Variants in GRIP1 observed in about 807,000 individuals in gnomAD.
GRIP1 encodes glutamate receptor interacting protein 1.
Under a neutral mutation model 129.9 loss-of-function variants are expected in GRIP1, and 45 were observed. That is an observed-to-expected ratio of 0.35 (90% CI 0.27 to 0.44). The LOEUF (loss-of-function observed/expected upper bound fraction) is 0.44, where lower values mean the gene tolerates loss of function less well. GRIP1 is among the 20% of genes least tolerant of loss of function. GRIP1 has a pLI of 1.00. For missense variants in GRIP1, 1,196 were observed against 1,396.8 expected (o/e 0.86, Z 2.29); for synonymous variants, 530 against 520.8 (o/e 1.02, Z -0.24).
intron 1 of GRIP1, among the ~76,000 whole-genome samples, chr12:66,843,714 C>T (rs1033677920): frequency 1.3e-5 from 2 of 152,064 alleles, no homozygotes; most frequent in African/African-American, 4.8e-5. Context: ...AAAGGAAAAA[C>T]TTTTTAACAA....
At chr12:66,831,303 T>A (rs1158408312) in intron 1 of GRIP1, among the ~76,000 whole-genome samples, 2 of 152,232 alleles carry the variant, frequency 1.3e-5, no homozygotes, top group Non-Finnish European at 2.9e-5. Context: ...GAATGCTGAT[T>A]AGTTCATGCT....
At chr12:66,370,863 T>C (rs1053527833) in intron 23 of GRIP1, among the ~76,000 whole-genome samples, 1 of 152,136 alleles carries the variant, frequency 6.6e-6, no homozygotes, top group African/African-American at 2.4e-5. Context: ...GAGGCAACTA[T>C]GACAATTAGA....
At chr12:67,051,840 C>T (rs1162500172) in intron 1 of GRIP1, among the ~76,000 whole-genome samples, 1 of 152,154 alleles carries the variant, frequency 6.6e-6, no homozygotes, top group Non-Finnish European at 1.5e-5. Context: ...AAACAAAATC[C>T]AAATCATCAC....
intron 1 of GRIP1, among the ~76,000 whole-genome samples, chr12:66,739,900 A>G (rs998918520): frequency 1.5e-4 from 23 of 152,138 alleles, no homozygotes; most frequent in African/African-American, 5.3e-4. Flanking sequence ...TCAGTCCTCA[A>G]TAGTAGTCTC....
At chr12:66,404,283 G>A (rs933427151) in intron 16 of GRIP1, among the ~76,000 whole-genome samples, 1 of 152,108 alleles carries the variant, frequency 6.6e-6, no homozygotes, top group Non-Finnish European at 1.5e-5. Context: ...CTTGGAAAAG[G>A]AATCATAAAC....
chr12:66,446,201 T>C (rs1387719147), intron 11 of GRIP1, among the ~76,000 whole-genome samples: 2 of 151,832 alleles, frequency 1.3e-5, no homozygotes, highest in African/African-American at 4.9e-5. Context: ...TTATTTCTCC[T>C]CTTTCATTTA....
intron 1 of GRIP1, among the ~76,000 whole-genome samples, chr12:66,882,092 C>T (rs1592926405): frequency 6.6e-6 from 1 of 151,760 alleles, no homozygotes; most frequent in South Asian, 2.1e-4. Context: ...CTTCTCATGG[C>T]TTCTATCACA....
At chr12:66,591,843 T>C (rs1280444449) in intron 2 of GRIP1, among the ~76,000 whole-genome samples, 1 of 152,088 alleles carries the variant, frequency 6.6e-6, no homozygotes, top group African/African-American at 2.4e-5. Context: ...TTGCCCAGGC[T>C]GTAACTCCCA....
intron 2 of GRIP1, among the ~76,000 whole-genome samples, chr12:66,543,790 T>A (rs2061861631): frequency 6.6e-6 from 1 of 152,228 alleles, no homozygotes; most frequent in Admixed American, 6.5e-5. Flanking sequence ...TCTTTAAATA[T>A]GCAGAGTATC....
chr12:66,576,383 T>C (rs2063139893), intron 2 of GRIP1, among the ~76,000 whole-genome samples: 1 of 152,198 alleles, frequency 6.6e-6, no homozygotes, highest in African/African-American at 2.4e-5. Flanking sequence ...CTCAAAATTG[T>C]TAACACTATT....
chr12:66,590,102 G>A (rs1365325610), intron 2 of GRIP1, among the ~76,000 whole-genome samples: 1 of 152,098 alleles, frequency 6.6e-6, no homozygotes, highest in Non-Finnish European at 1.5e-5. Flanking sequence ...ACTGGAGGCT[G>A]TTGCTAGCTG....
rs142590857 is a variant in GRIP1, at chr12:66,400,276, G to A, written c.1985-5924C>T. On this transcript the variant is annotated intron_variant, in intron 16 of 24. Coordinates refer to ENST00000359742, the MANE Select transcript of GRIP1 (RefSeq NM_001366722.1). The stretch of plus-strand genomic sequence containing the variant: ...CGATGTACACTCAAGCTTGAGAGCC[G>A]TCCCTTTATGAGATCAAGCATGCAA... Among the ~76,000 whole-genome samples the A allele has an allele frequency of 1.5e-3, 229 of 152,110 alleles. 4 individuals carry two copies. The highest frequency in any genetic ancestry group is 5.0e-3 in the African/African-American group (205 of 41,404).
chr12:66,429,623 G>T (rs1372455200), intron 14 of GRIP1, among the ~76,000 whole-genome samples: 1 of 152,122 alleles, frequency 6.6e-6, no homozygotes, highest in African/African-American at 2.4e-5. Flanking sequence ...TTGAGCCTAG[G>T]AGGTTGAGGC....
At chr12:66,412,150 G>C (rs1389951467) in intron 15 of GRIP1, among the ~76,000 whole-genome samples, 2 of 152,076 alleles carry the variant, frequency 1.3e-5, no homozygotes, top group Admixed American at 6.5e-5. Context: ...GATACTACAG[G>C]AGAAGATCAA....
chr12:66,523,456 A>G (rs1170693892), intron 5 of GRIP1, among the ~76,000 whole-genome samples: 1 of 151,170 alleles, frequency 6.6e-6, no homozygotes, highest in Non-Finnish European at 1.5e-5. Flanking sequence ...GAGAAATAAA[A>G]TACTTTACAG....
rs2055309582 is a variant in GRIP1 at position 66,368,893 on chromosome 12, T to C, written c.3012+2801A>G. On this transcript the variant is annotated intron_variant, in intron 23 of 24. Transcript: ENST00000359742. Reference sequence around the variant, plus strand: ...CTTCAAAATTGGAGGGTGTGCCTACTAACAAACATCCTGGATGGTCTATCA... The same window carrying C: ...CTTCAAAATTGGAGGGTGTGCCTACCAACAAACATCCTGGATGGTCTATCA... 2.6e-5 allele frequency among the ~76,000 whole-genome samples: 4 copies of C among 152,274 alleles called. No individual in the cohort carries two copies. In the South Asian group the frequency reaches 6.2e-4, roughly 24 times the overall value.
chr12:66,378,013 A>G (rs1437750533), intron 20 of GRIP1, among the ~76,000 whole-genome samples: 2 of 152,126 alleles, frequency 1.3e-5, no homozygotes, highest in African/African-American at 4.8e-5. Context: ...ACCAAATGCT[A>G]TCAGTTTTTA....
intron 23 of GRIP1, among the ~76,000 whole-genome samples, chr12:66,369,933 G>C (rs1325184057): frequency 6.6e-6 from 1 of 152,124 alleles, no homozygotes; most frequent in Non-Finnish European, 1.5e-5. Flanking sequence ...ACCTGTGGCT[G>C]GGGCCTAAAC....
At position 67,034,899 on chromosome 12, in the gene GRIP1, T is replaced by C. The variant is rs150799906; in HGVS notation, c.58+34151A>G. On this transcript the variant is annotated intron_variant, in intron 1 of 1. Transcript: ENST00000643019. ...ATTCCACCTTTGCCGGTTTGGGTAA[T>C]AGGAAGGCCTAATGTGCCAATAATA... 5.0e-4 allele frequency among the ~76,000 whole-genome samples: 76 copies of C among 152,308 alleles called. 1 individual carries two copies. Among genetic ancestry groups the C allele is most frequent in the African/African-American group, 1.5e-3 (64 of 41,566 alleles).
Sources: gnomAD v4.1 joint callset for allele counts (sites outside exome capture counted in the v4.1 genomes callset) on GRCh38, gnomAD v4.1.1 for gene constraint, MANE v1.5 for transcripts, NCBI Gene and HGNC (gene_info 2026-07-23, HGNC 2026-07-21) for gene names.